Variants in SLC5A8 observed in about 807,000 individuals in gnomAD.
SLC5A8 encodes solute carrier family 5 member 8.
In SLC5A8, 55 loss-of-function variants were observed where a neutral mutation model predicts 71.9. That is an observed-to-expected ratio of 0.77 (90% CI 0.62 to 0.96). SLC5A8 has a LOEUF of 0.96. Among genes scored for constraint, SLC5A8 ranks in the 40% least tolerant of loss-of-function variants. SLC5A8 has a pLI of 0.00. For synonymous variants in SLC5A8, 307 were observed against 276.1 expected, an observed-to-expected ratio of 1.11 and a Z score of -1.11; for missense variants, 701 against 745.3, an observed-to-expected ratio of 0.94 and a Z score of 0.69.
intron 11 of SLC5A8, among the ~76,000 whole-genome samples, chr12:101,167,064 T>C (rs904426686): frequency 6.6e-6 from 1 of 152,162 alleles, no homozygotes; most frequent in East Asian, 1.9e-4. Context: ...GAAAAGGACA[T>C]GTTAGCTTAG....
intron 13 of SLC5A8, among the ~76,000 whole-genome samples, chr12:101,159,464 G>T (rs971928646): frequency 3.3e-5 from 5 of 152,136 alleles, no homozygotes; most frequent in Admixed American, 6.5e-5. Flanking sequence ...GTGCTGAAAC[G>T]CCAACCAAGT....
At chr12:101,168,780 G>A (rs529831154) in intron 10 of SLC5A8, among the ~76,000 whole-genome samples, 1 of 152,290 alleles carries the variant, frequency 6.6e-6, no homozygotes, top group Admixed American at 6.5e-5. Flanking sequence ...GATTTACAGT[G>A]CAAACATCGC....
At chr12:101,209,475 T>TGC in intron 1 of SLC5A8, 23 bp downstream of exon 1, 2,297 of 1,442,390 alleles carry the variant, frequency 1.6e-3, no homozygotes, top group Non-Finnish European at 2.0e-3. Context: ...CCCTGCATGG[T>TGC]CCCAGCCCAC....
chr12:101,158,388 G>A, intron 13 of SLC5A8, 60 bp from the exon 14 acceptor site: 1 of 1,066,208 alleles, frequency 9.4e-7, no homozygotes, highest in Non-Finnish European at 1.4e-6. Context: ...ACTACACAGA[G>A]ACATTCCATT....
At chr12:101,206,829 G>A (rs1869699068) in intron 1 of SLC5A8, among the ~76,000 whole-genome samples, 1 of 152,148 alleles carries the variant, frequency 6.6e-6, no homozygotes, top group Non-Finnish European at 1.5e-5. Flanking sequence ...AGAATTGGTG[G>A]ATTAAATTGG....
intron 9 of SLC5A8, 40 bp from the exon 10 acceptor site, chr12:101,180,136 C>T (rs376569455): frequency 6.4e-5 from 102 of 1,591,064 alleles, no homozygotes; most frequent in Non-Finnish European, 8.3e-5. Flanking sequence ...AATCCACACC[C>T]AGAGAATTAG....
At position 101,209,980 on chromosome 12, in the gene SLC5A8, C is replaced by G. The variant is rs796381398; in HGVS notation, c.-132G>C. On this transcript the variant is annotated 5_prime_UTR_variant, in exon 1 of 15. Coordinates refer to ENST00000536262, the MANE Select transcript of SLC5A8 (RefSeq NM_145913.5). Reference sequence around the variant, plus strand: ...GTCCCGCGGGGACTGGAGGCGTCCTCCAGGTGTCGGCCTCCGAACGCACCC... The same window carrying G: ...GTCCCGCGGGGACTGGAGGCGTCCTGCAGGTGTCGGCCTCCGAACGCACCC... The G allele has an allele frequency of 2.4e-5, 19 of 794,348 alleles. No homozygotes were observed. The African/African-American group carries it at 3.3e-4, about 14-fold the overall frequency. 49.2% of individuals were successfully genotyped at this position (794,348 alleles called of 1,614,324 possible). A position where few individuals can be genotyped will look rare whatever the true frequency, so the allele number is the denominator to read the frequency against.
At chr12:101,193,562 T>C (rs564616658) in intron 5 of SLC5A8, 63 bp downstream of exon 5, 20 of 1,517,044 alleles carry the variant, frequency 1.3e-5, no homozygotes, top group African/African-American at 1.3e-4. Context: ...ACTATTTCAA[T>C]AAAGAGATTA....
chr12:101,209,680 C>T lies in SLC5A8; in HGVS notation c.169G>A (p.Val57Met). Residue 57 changes from valine to methionine, a missense_variant, in exon 1 of 15, where the codon GTG (valine) becomes ATG (methionine). Physicochemically the swap from Val to Met is conservative, Grantham distance 21. Coordinates refer to ENST00000536262, the MANE Select transcript of SLC5A8 (RefSeq NM_145913.5). ...AAGCTAGCGGTGAGGGACAGCGCCA[C>T]GGGCACTGCGGTCATTCTGCGGCCG... is the stretch of plus-strand genomic sequence containing the variant. ...MGGRRMTAVPVALSLTASFMS... is the reference protein window; with the variant it reads ...MGGRRMTAVPMALSLTASFMS... The T allele has an allele frequency of 6.2e-7, 1 of 1,613,654 alleles. No individual in the cohort carries two copies.
chr12:101,161,629 T>C (rs986616567), intron 13 of SLC5A8, among the ~76,000 whole-genome samples: 1 of 152,294 alleles, frequency 6.6e-6, no homozygotes, highest in South Asian at 2.1e-4. Flanking sequence ...TCATAGCAGT[T>C]ATGAAGTTCT....
chr12:101,190,805 G>C (rs574017762), intron 5 of SLC5A8, among the ~76,000 whole-genome samples, 197 bp from the exon 6 acceptor site: 8 of 152,134 alleles, frequency 5.3e-5, no homozygotes, highest in Admixed American at 1.3e-4. Context: ...ACTATTTTCA[G>C]AGATCTGAAA....
intron 14 of SLC5A8, among the ~76,000 whole-genome samples, chr12:101,157,674 T>C (rs983548826): frequency 1.3e-5 from 2 of 151,968 alleles, no homozygotes; most frequent in Admixed American, 6.6e-5. Context: ...TAGAGAGATA[T>C]AACAGATATA....
Position 101,210,176 on chromosome 12 carries a change from AAC to A in SLC5A8, c.-330_-329del. 1 of 329,060 alleles carries A rather than the reference AAC, an allele frequency of 3.0e-6. No homozygotes were observed. The highest frequency in any genetic ancestry group is 1.3e-4 in the South Asian group (1 of 7,796). 20.4% of individuals were successfully genotyped at this position (329,060 alleles called of 1,614,324 possible). ...CGCCGGGGACACCTGAGCAGATGAG[AAC>A]TGGAGCCTCCAGCTGCTTCCAGCGA... On this transcript the variant is annotated 5_prime_UTR_variant, in exon 1 of 15. Coordinates refer to ENST00000536262, the MANE Select transcript of SLC5A8 (RefSeq NM_145913.5).
intron 3 of SLC5A8, among the ~76,000 whole-genome samples, chr12:101,200,066 A>G (rs1410982286): frequency 1.4e-5 from 2 of 142,478 alleles, no homozygotes; most frequent in African/African-American, 5.1e-5. Context: ...GGAATGAACT[A>G]CTGATATATA....
intron 10 of SLC5A8, among the ~76,000 whole-genome samples, chr12:101,168,574 G>A (rs1282304993): frequency 2.0e-5 from 3 of 152,194 alleles, no homozygotes; most frequent in Non-Finnish European, 4.4e-5. Flanking sequence ...AACGGTGGAC[G>A]AGTACTGCTA....
intron 1 of SLC5A8, among the ~76,000 whole-genome samples, chr12:101,205,277 G>T (rs1178326827): frequency 1.3e-5 from 2 of 152,118 alleles, no homozygotes; most frequent in Admixed American, 1.3e-4. Context: ...TCTGTTCTAT[G>T]AGCTACCCCC....
intron 7 of SLC5A8, among the ~76,000 whole-genome samples, chr12:101,184,502 A>G (rs1868534905): frequency 6.6e-6 from 1 of 152,218 alleles, no homozygotes; most frequent in East Asian, 1.9e-4. Context: ...TTGTAATAAT[A>G]CTAACCTCAT....
chr12:101,189,338 G>A lies in SLC5A8; in HGVS notation c.833+1130C>T, dbSNP rs1868801292. ...TGGTTATTATATCCATATTCATATAGATTTTTCACTGTGAGTTCTTCAAAG... is the reference window on the plus strand; with the variant it reads ...TGGTTATTATATCCATATTCATATAAATTTTTCACTGTGAGTTCTTCAAAG... On this transcript the variant is annotated intron_variant, in intron 6 of 14. Transcript: ENST00000536262. Among the ~76,000 whole-genome samples the A allele has an allele frequency of 1.3e-5, 2 of 152,120 alleles. 1 individual carries two copies. Among genetic ancestry groups the A allele is most frequent in the South Asian group, 4.1e-4 (2 of 4,824 alleles).
At chr12:101,204,965 C>T (rs149587726) in intron 1 of SLC5A8, among the ~76,000 whole-genome samples, 6 of 152,252 alleles carry the variant, frequency 3.9e-5, no homozygotes, top group African/African-American at 7.2e-5. Flanking sequence ...ATTTTTAGAG[C>T]GAGCAATCTG....
Sources: gnomAD v4.1 joint callset for allele counts (sites outside exome capture counted in the v4.1 genomes callset) on GRCh38, gnomAD v4.1.1 for gene constraint, MANE v1.5 for transcripts, NCBI Gene and HGNC (gene_info 2026-07-23, HGNC 2026-07-21) for gene names.